The following C4orf50 variants were observed in gnomAD, a reference collection of about 807,000 sequenced individuals.
The protein encoded by C4orf50 is uncharacterized protein C4orf50.
A neutral mutation model predicts 77.2 loss-of-function variants in C4orf50; 80 were observed. That is an observed-to-expected ratio of 1.04 (90% CI 0.87 to 1.25). C4orf50 has a LOEUF of 1.25. C4orf50 is among the 50% of genes most tolerant of loss of function. The pLI, the probability that C4orf50 is intolerant of heterozygous loss-of-function variation, is 0.00. For missense variants in C4orf50, 1,257 were observed against 1,152.9 expected, an observed-to-expected ratio of 1.09 and a Z score of -1.31; for synonymous variants, 532 against 465.3, an observed-to-expected ratio of 1.14 and a Z score of -1.84.
In C4orf50 at chr4:5,916,699, G is replaced by A. The variant is rs530350263; in HGVS notation, c.*2475-18511C>T. Among the ~76,000 whole-genome samples, 98 of 152,298 alleles carry A rather than the reference G, an allele frequency of 6.4e-4. No individual in the cohort carries two copies. Among genetic ancestry groups the A allele is most frequent in the African/African-American group, 2.2e-3 (90 of 41,570 alleles). The stretch of plus-strand genomic sequence containing the variant: ...AGGGAGGTGAGACAGGGAGGGCAGA[G>A]AAGACAATATCCAGATGGGTACTGA... On this transcript the variant is annotated intron_variant, in intron 7 of 7. Transcript: ENST00000324058. This position sits in a 1 kb window ranked among gnomAD's most constrained non-coding sequence, Gnocchi z 4.4.
intron 25 of C4orf50, among the ~76,000 whole-genome samples, chr4:5,999,536 T>C (rs4321575): frequency 0.32 from 49,078 of 152,130 alleles, 8,046 homozygotes; most frequent in Middle Eastern, 0.37. Context: ...GCATTGCCAC[T>C]GTGAAGCAGT....
chr4:5,960,869 T>C (rs1260510310), intron 33 of C4orf50, among the ~76,000 whole-genome samples: 1 of 152,110 alleles, frequency 6.6e-6, no homozygotes, highest in Non-Finnish European at 1.5e-5. Context: ...ATAATAATGA[T>C]AGTCGGCCTG....
intron 7 of C4orf50, among the ~76,000 whole-genome samples, chr4:5,921,836 G>GGGAGGTGA (rs1314694892): frequency 6.6e-6 from 1 of 152,222 alleles, no homozygotes; most frequent in Non-Finnish European, 1.5e-5. Flanking sequence ...GGCCGGTGCT[G>GGGAGGTGA]GGAGGTGAGG....
intron 30 of C4orf50, among the ~76,000 whole-genome samples, chr4:5,974,833 C>G (rs745899332): frequency 7.3e-6 from 1 of 137,576 alleles, no homozygotes; most frequent in African/African-American, 2.5e-5. Flanking sequence ...GTGGAGAAAA[C>G]CTTTCTGAGA....
At chr4:6,001,901 GC>G in intron 25 of C4orf50, among the ~76,000 whole-genome samples, 1 of 152,356 alleles carries the variant, frequency 6.6e-6, no homozygotes, top group Middle Eastern at 3.4e-3. Flanking sequence ...GGGAGGCTCA[GC>G]CCAGCACTGA....
chr4:5,982,409 G>A (rs1021353827), intron 28 of C4orf50, among the ~76,000 whole-genome samples: 6 of 152,334 alleles, frequency 3.9e-5, no homozygotes, highest in Admixed American at 1.3e-4. Flanking sequence ...TGGGCAGGGT[G>A]TACGCTGGCC....
intron 25 of C4orf50, among the ~76,000 whole-genome samples, chr4:6,006,844 C>T (rs574389366): frequency 7.2e-5 from 11 of 152,180 alleles, no homozygotes; most frequent in Non-Finnish European, 5.9e-5. Context: ...ATGTCTGGAC[C>T]CTGACCTCAA....
At chr4:5,938,148 C>G (rs999633801) in intron 7 of C4orf50, among the ~76,000 whole-genome samples, 1 of 152,094 alleles carries the variant, frequency 6.6e-6, no homozygotes, top group Non-Finnish European at 1.5e-5. Flanking sequence ...ATACATGGAA[C>G]ATTGCCAAAT....
downstream of C4orf50, among the ~76,000 whole-genome samples, chr4:5,954,771 T>G (rs1416294565): frequency 6.6e-6 from 1 of 152,032 alleles, no homozygotes; most frequent in Non-Finnish European, 1.5e-5. This position sits in a 1 kb window ranked among gnomAD's most constrained non-coding sequence, Gnocchi z 4.7. Flanking sequence ...TCAGCCCACC[T>G]CCAGAAGGCC....
chr4:5,904,878 A>G (rs575182531), intron 7 of C4orf50: 1 of 152,304 alleles, frequency 6.6e-6, no homozygotes, highest in Admixed American at 6.5e-5. Context: ...CCCATCTTGG[A>G]TGGAAGCTAC....
At chr4:5,986,455 G>T (rs562066442) in intron 28 of C4orf50, among the ~76,000 whole-genome samples, 32 of 151,826 alleles carry the variant, frequency 2.1e-4, no homozygotes, top group African/African-American at 3.9e-4. Flanking sequence ...TAGGTTTTTT[G>T]TTGTTGTTGT....
chr4:5,998,481 C>T (rs1380772238), intron 25 of C4orf50, among the ~76,000 whole-genome samples: 1 of 152,186 alleles, frequency 6.6e-6, no homozygotes, highest in African/African-American at 2.4e-5. Flanking sequence ...CACCCAGCAA[C>T]AAAGAGATTC....
intron 7 of C4orf50, among the ~76,000 whole-genome samples, chr4:5,917,816 C>A (rs760524534): frequency 1.3e-5 from 2 of 152,040 alleles, no homozygotes; most frequent in Non-Finnish European, 2.9e-5. Context: ...TCAGCTGTGC[C>A]CACCCCGGTC....
intron 25 of C4orf50, among the ~76,000 whole-genome samples, chr4:5,998,160 T>G (rs1429596160): frequency 6.6e-6 from 1 of 152,186 alleles, no homozygotes; most frequent in Admixed American, 6.5e-5. Flanking sequence ...TCCTGATAGC[T>G]CAAACACCAC....
rs749048089 is a variant in C4orf50 at position 5,973,714 on chromosome 4, T to C, written c.4049A>G (p.Asn1350Ser). ...CGTGTACTCAGCCAGTGCCACGTCG[T>C]TGAGCATGTTCTGCGCCAGCTCGGA... Residue 1350 changes from asparagine (N) to serine (S), a missense_variant, in exon 31 of 34, where the codon AAC becomes AGC. Physicochemically the swap from Asn to Ser is conservative, Grantham distance 46. Transcript: ENST00000531445. 4 of 1,613,902 alleles carry C rather than the reference T, an allele frequency of 2.5e-6. No individual in the cohort carries two copies. The African/African-American group carries it at 5.3e-5, about 22-fold the overall frequency.
At chr4:5,933,160 T>C (rs971209622) in intron 7 of C4orf50, among the ~76,000 whole-genome samples, 1 of 152,186 alleles carries the variant, frequency 6.6e-6, no homozygotes, top group Admixed American at 6.5e-5. Flanking sequence ...TGTCATATCT[T>C]AGCTGCCCTC....
intron 7 of C4orf50, among the ~76,000 whole-genome samples, chr4:5,945,202 A>G (rs1577916573): frequency 6.6e-6 from 1 of 152,282 alleles, no homozygotes; most frequent in Admixed American, 6.5e-5. Flanking sequence ...AATAAGCTGA[A>G]GCAGCAGGAG....
intron 31 of C4orf50, among the ~76,000 whole-genome samples, chr4:5,972,904 G>C (rs1025538702): frequency 7.2e-5 from 11 of 152,236 alleles, no homozygotes; most frequent in African/African-American, 2.7e-4. Context: ...GCTGGCATTT[G>C]TCCCTGTGTG....
intron 7 of C4orf50, among the ~76,000 whole-genome samples, chr4:5,950,741 T>G (rs1255877991): frequency 6.6e-6 from 1 of 152,220 alleles, no homozygotes; most frequent in Non-Finnish European, 1.5e-5. Flanking sequence ...CGATCAGGAC[T>G]TGAAATTACA....
Sources: allele counts gnomAD v4.1 joint callset (sites outside exome capture counted in the v4.1 genomes callset), GRCh38; gene constraint gnomAD v4.1.1; non-coding constraint Gnocchi (gnomAD v3.1); transcripts MANE v1.5; gene names NCBI Gene and HGNC (gene_info 2026-07-23, HGNC 2026-07-21).